Variants in CNTN5 observed in about 807,000 individuals in gnomAD.
The protein encoded by CNTN5 is contactin 5.
CNTN5 carries 77 observed loss-of-function variants against 129.1 expected under a neutral mutation model. The observed-to-expected ratio is 0.60, with a 90% CI of 0.50 to 0.72. CNTN5 has a LOEUF of 0.72. Among genes scored for constraint, CNTN5 ranks in the 30% least tolerant of loss-of-function variants. CNTN5 has a pLI of 0.00. For missense variants in CNTN5, 1,478 were observed against 1,328.8 expected (o/e 1.11, Z -1.75); for synonymous variants, 509 against 465.6 (o/e 1.09, Z -1.20).
intron 1 of CNTN5, among the ~76,000 whole-genome samples, chr11:99,037,856 C>T (rs915374305): frequency 6.6e-6 from 1 of 152,028 alleles, no homozygotes; most frequent in South Asian, 2.1e-4. Context: ...GCCACTGTGC[C>T]TGGCCAGGAC....
At chr11:99,178,506 G>A (rs544136426) in intron 1 of CNTN5, among the ~76,000 whole-genome samples, 8 of 151,214 alleles carry the variant, frequency 5.3e-5, no homozygotes, top group African/African-American at 1.9e-4. Flanking sequence ...GGGTGACAGA[G>A]TGAGACCTTG....
intron 2 of CNTN5, among the ~76,000 whole-genome samples, chr11:99,353,344 T>A (rs1378526227): frequency 6.6e-6 from 1 of 152,214 alleles, no homozygotes; most frequent in East Asian, 1.9e-4. Flanking sequence ...GACTACAAAA[T>A]TTTTTCAAAA....
chr11:100,278,182 A>G (rs900320202), intron 18 of CNTN5, among the ~76,000 whole-genome samples: 8 of 152,038 alleles, frequency 5.3e-5, no homozygotes, highest in African/African-American at 1.9e-4. Context: ...GTCTGTTTTT[A>G]TGCCAGGGCC....
chr11:100,329,215 G>A (rs1011832324), intron 21 of CNTN5, among the ~76,000 whole-genome samples: 1 of 152,060 alleles, frequency 6.6e-6, no homozygotes, highest in Admixed American at 6.5e-5. Context: ...TAATCCCCTT[G>A]GGAATATAAC....
At chr11:100,350,255 C>T (rs927340911) in intron 23 of CNTN5, among the ~76,000 whole-genome samples, 2 of 151,666 alleles carry the variant, frequency 1.3e-5, no homozygotes, top group Non-Finnish European at 3.0e-5. Context: ...AATAACCAAG[C>T]ATAACAGACT....
intron 3 of CNTN5, among the ~76,000 whole-genome samples, chr11:99,761,311 A>G (rs1427190696): frequency 6.6e-6 from 1 of 152,052 alleles, no homozygotes; most frequent in African/African-American, 2.4e-5. Flanking sequence ...ACGTGTGCAC[A>G]TTGTGCAGGT....
At chr11:100,153,504 G>C (rs1947134407) in intron 13 of CNTN5, among the ~76,000 whole-genome samples, 1 of 151,984 alleles carries the variant, frequency 6.6e-6, no homozygotes, top group Non-Finnish European at 1.5e-5. Flanking sequence ...TAATAAATCA[G>C]ATTTGTTTTG....
chr11:100,347,279 G>A (rs1278607200), intron 23 of CNTN5, among the ~76,000 whole-genome samples: 1 of 151,976 alleles, frequency 6.6e-6, no homozygotes, highest in African/African-American at 2.4e-5. Flanking sequence ...AGCTTCTTGG[G>A]AACTGTATAG....
intron 2 of CNTN5, among the ~76,000 whole-genome samples, chr11:99,456,156 G>A (rs1219995516): frequency 1.3e-5 from 2 of 151,768 alleles, no homozygotes; most frequent in Admixed American, 6.6e-5. Flanking sequence ...CAAAACTCTC[G>A]AAATGAAATA....
intron 13 of CNTN5, among the ~76,000 whole-genome samples, chr11:100,136,185 C>A (rs1471540930): frequency 6.6e-6 from 1 of 152,120 alleles, no homozygotes; most frequent in African/African-American, 2.4e-5. Flanking sequence ...AAAAGAACAA[C>A]CATCAGCATA....
chr11:99,554,436 C>G (rs1387061276), intron 2 of CNTN5, among the ~76,000 whole-genome samples: 1 of 152,068 alleles, frequency 6.6e-6, no homozygotes, highest in Non-Finnish European at 1.5e-5. Flanking sequence ...TGGCTCTCAA[C>G]CCATGTATGT....
intron 13 of CNTN5, among the ~76,000 whole-genome samples, chr11:100,078,441 T>C (rs1447423108): frequency 6.6e-6 from 1 of 152,146 alleles, no homozygotes; most frequent in Non-Finnish European, 1.5e-5. Flanking sequence ...TACATTTGTT[T>C]GTTATTTATA....
At chr11:99,970,673 C>T (rs955784805) in intron 8 of CNTN5, among the ~76,000 whole-genome samples, 4 of 152,070 alleles carry the variant, frequency 2.6e-5, no homozygotes, top group East Asian at 1.9e-4. Context: ...GCATGTGTTG[C>T]GGGGGAGGTG....
At chr11:99,356,537 C>T (rs12285987) in intron 2 of CNTN5, among the ~76,000 whole-genome samples, 4,911 of 152,232 alleles carry the variant, frequency 0.032, 261 homozygotes, top group African/African-American at 0.11. Context: ...TCAACAAACA[C>T]TTTTGAACAC....
chr11:99,738,949 G>T (rs1356838763), intron 3 of CNTN5, among the ~76,000 whole-genome samples: 4 of 152,142 alleles, frequency 2.6e-5, no homozygotes, highest in African/African-American at 9.7e-5. Context: ...ATGTGTATGT[G>T]TATGTATTTG....
chr11:99,918,479 A>C (rs1247834081), intron 7 of CNTN5, among the ~76,000 whole-genome samples: 2 of 152,088 alleles, frequency 1.3e-5, no homozygotes, highest in Non-Finnish European at 2.9e-5. Context: ...ACTTTTGTCA[A>C]ATGTTTTATG....
At chr11:100,156,971 CGT>C (rs1947265738) in intron 13 of CNTN5, among the ~76,000 whole-genome samples, 4 of 151,666 alleles carry the variant, frequency 2.6e-5, no homozygotes, top group Non-Finnish European at 5.9e-5. Flanking sequence ...TGAAGTTTTT[CGT>C]GTGTGTGTCT....
intron 1 of CNTN5, among the ~76,000 whole-genome samples, chr11:99,110,884 T>C (rs2135381514): frequency 6.6e-6 from 1 of 152,286 alleles, no homozygotes; most frequent in Non-Finnish European, 1.5e-5. Context: ...AGATCCATCA[T>C]TATAGCATGA....
chr11:99,324,423 C>T (rs1865695902), intron 1 of CNTN5, among the ~76,000 whole-genome samples: 1 of 152,088 alleles, frequency 6.6e-6, no homozygotes, highest in Admixed American at 6.5e-5. Flanking sequence ...TATTTGTCCT[C>T]ACTAAATTTT....
Sources: allele counts gnomAD v4.1 joint callset (sites outside exome capture counted in the v4.1 genomes callset), GRCh38; gene constraint gnomAD v4.1.1; transcripts MANE v1.5; gene names NCBI Gene and HGNC (gene_info 2026-07-23, HGNC 2026-07-21).